Variants in FMN1 observed in about 807,000 individuals in gnomAD.
FMN1 encodes formin 1.
In FMN1, 110 loss-of-function variants were observed where a neutral mutation model predicts 132.4. That is an observed-to-expected ratio of 0.83 (90% CI 0.71 to 0.97). The LOEUF (loss-of-function observed/expected upper bound fraction) is 0.97, where lower values mean the gene tolerates loss of function less well. FMN1 is among the 50% of genes least tolerant of loss of function. The pLI, the probability that FMN1 is intolerant of heterozygous loss-of-function variation, is 0.00. For missense variants in FMN1, 1,792 were observed against 1,705.3 expected (o/e 1.05, Z -0.90); for synonymous variants, 722 against 651.7 (o/e 1.11, Z -1.64).
At chr15:33,149,856 T>C (rs1595569015) in intron 4 of FMN1, 3 of 983,304 alleles carry the variant, frequency 3.1e-6, no homozygotes, top group Non-Finnish European at 3.6e-6. Flanking sequence ...TTACTTCCCA[T>C]AATGTATATC....
intron 7 of FMN1, among the ~76,000 whole-genome samples, chr15:33,003,183 G>GT (rs1420295285): frequency 6.6e-6 from 1 of 152,152 alleles, no homozygotes; most frequent in Non-Finnish European, 1.5e-5. Flanking sequence ...TCAACAAAGT[G>GT]TTGGAAGTTC....
At chr15:33,087,824 C>CAT (rs1566904414) in intron 5 of FMN1, among the ~76,000 whole-genome samples, 3,834 of 140,006 alleles carry the variant, frequency 0.027, 160 homozygotes, top group African/African-American at 0.095. Context: ...CATATATATA[C>CAT]ATATATACAT....
At chr15:32,930,900 T>C (rs1201939717) in intron 9 of FMN1, among the ~76,000 whole-genome samples, 4 of 152,220 alleles carry the variant, frequency 2.6e-5, no homozygotes, top group African/African-American at 9.6e-5. Flanking sequence ...AATTTCATTC[T>C]TTTGTGTGTG....
At chr15:33,005,191 A>T (rs1035427616) in intron 7 of FMN1, among the ~76,000 whole-genome samples, 6 of 151,270 alleles carry the variant, frequency 4.0e-5, no homozygotes, top group African/African-American at 1.5e-4. Flanking sequence ...AAGTATAATA[A>T]TAATATTAAA....
At chr15:33,068,712 C>T (rs888860541) in intron 5 of FMN1, among the ~76,000 whole-genome samples, 10 of 151,840 alleles carry the variant, frequency 6.6e-5, no homozygotes, top group African/African-American at 2.2e-4. Context: ...TGAGGGATAA[C>T]CCACACGACT....
At chr15:33,014,025 T>G (rs1359682390) in intron 6 of FMN1, among the ~76,000 whole-genome samples, 1 of 98,622 alleles carries the variant, frequency 1.0e-5, no homozygotes, top group Non-Finnish European at 2.2e-5. Flanking sequence ...ATCTCCTCCT[T>G]TAACAAATAT....
At position 33,021,571 on chromosome 15, in the gene FMN1, G is replaced by A. The variant is rs112676905; in HGVS notation, c.2162-13496C>T. Among the ~76,000 whole-genome samples the A allele has an allele frequency of 7.4e-3, 1,123 of 152,052 alleles. 17 individuals carry two copies. Among genetic ancestry groups the A allele is most frequent in the African/African-American group, 0.024 (997 of 41,476 alleles). On this transcript the variant is annotated intron_variant, in intron 6 of 20. Transcript: ENST00000616417. ...ACAGATATTGAGTCTTTATGTTCTG[G>A]GATGATGATATAAAAGAGGTACAAA...
intron 19 of FMN1, among the ~76,000 whole-genome samples, chr15:32,777,471 A>AATG (rs67598625): frequency 1.5e-5 from 2 of 136,514 alleles, no homozygotes; most frequent in Non-Finnish European, 3.2e-5. Flanking sequence ...TATTACGTAT[A>AATG]TTTATATATT....
At chr15:33,001,726 CTCT>C (rs1193908819) in intron 7 of FMN1, among the ~76,000 whole-genome samples, 6 of 133,370 alleles carry the variant, frequency 4.5e-5, no homozygotes, top group Non-Finnish European at 8.2e-5. Context: ...CCTCCTCCTC[CTCT>C]TCTTTTTTGA....
intron 17 of FMN1, among the ~76,000 whole-genome samples, chr15:32,841,858 G>C (rs868397013): frequency 6.6e-6 from 1 of 152,136 alleles, no homozygotes; most frequent in African/African-American, 2.4e-5. Flanking sequence ...CATTTTCCTA[G>C]GGCAAGCACA....
chr15:33,172,202 C>T (rs1210687742), intron 3 of FMN1, among the ~76,000 whole-genome samples: 2 of 147,874 alleles, frequency 1.4e-5, no homozygotes, highest in African/African-American at 5.1e-5. Context: ...AGCGAGACTC[C>T]GTCTCAAAAA....
At chr15:32,821,151 A>G (rs1179236244) in intron 17 of FMN1, among the ~76,000 whole-genome samples, 2 of 139,206 alleles carry the variant, frequency 1.4e-5, no homozygotes, top group Non-Finnish European at 3.3e-5. Context: ...TCTAAGAGAT[A>G]ATCAGAGTAT....
intron 19 of FMN1, among the ~76,000 whole-genome samples, chr15:32,794,507 T>G (rs1162295417): frequency 2.6e-5 from 4 of 151,962 alleles, no homozygotes; most frequent in African/African-American, 7.3e-5. Context: ...AGTCTTAGGA[T>G]ATCCTAAATG....
At chr15:32,852,166 A>G (rs939382287) in intron 17 of FMN1, among the ~76,000 whole-genome samples, 11 of 152,154 alleles carry the variant, frequency 7.2e-5, no homozygotes, top group Admixed American at 7.2e-4. Context: ...CGCGTCTCAC[A>G]TGTACAAAGT....
At chr15:33,038,808 T>G (rs1191725234) in intron 6 of FMN1, among the ~76,000 whole-genome samples, 1 of 152,214 alleles carries the variant, frequency 6.6e-6, no homozygotes, top group East Asian at 1.9e-4. Context: ...GAAGTTCCAT[T>G]TAAACTAAAG....
At chr15:32,777,231 A>T (rs1459241173) in intron 19 of FMN1, among the ~76,000 whole-genome samples, 1 of 152,070 alleles carries the variant, frequency 6.6e-6, no homozygotes, top group Non-Finnish European at 1.5e-5. Flanking sequence ...CTTCAGTGTT[A>T]TCCGGCTTGT....
Position 33,115,352 on chromosome 15 carries a change from C to T in FMN1, c.1868-26378G>A, listed in dbSNP as rs2039877608. Among the ~76,000 whole-genome samples, 4 of 152,062 alleles carry T rather than the reference C, an allele frequency of 2.6e-5. No individual in the cohort carries two copies. In the South Asian group the frequency reaches 8.3e-4, roughly 32 times the overall value. ...CGAGTCAAATCAGAAGAAACATGTA[C>T]ACATAAAAGAATGTATGTGTAAGAA... On this transcript the variant is annotated intron_variant, in intron 4 of 20. Transcript: ENST00000616417.
intron 17 of FMN1, among the ~76,000 whole-genome samples, chr15:32,846,978 G>A (rs1028724729): frequency 2.6e-5 from 4 of 152,184 alleles, no homozygotes; most frequent in African/African-American, 9.7e-5. Flanking sequence ...GAAAGAAAGA[G>A]CCTGACTGAC....
At chr15:32,965,617 A>G (rs1366003228) in intron 8 of FMN1, among the ~76,000 whole-genome samples, 1 of 152,184 alleles carries the variant, frequency 6.6e-6, no homozygotes, top group African/African-American at 2.4e-5. Flanking sequence ...GGTATTTAAA[A>G]CAGTTGGCAG....
Sources: gnomAD v4.1 joint callset for allele counts (sites outside exome capture counted in the v4.1 genomes callset) on GRCh38, gnomAD v4.1.1 for gene constraint, MANE v1.5 for transcripts, NCBI Gene and HGNC (gene_info 2026-07-23, HGNC 2026-07-21) for gene names.